Variants in AFF2 observed in about 807,000 individuals in gnomAD.
AFF2 encodes AF4/FMR2 family member 2.
Under a neutral mutation model 76.9 loss-of-function variants are expected in AFF2, and 14 were observed. That is an observed-to-expected ratio of 0.18 (90% confidence interval 0.12 to 0.28). The LOEUF is 0.28. Ranked by LOEUF, AFF2 falls within the 10% of genes least tolerant of loss-of-function variation. AFF2 has a pLI of 1.00. For missense variants in AFF2, 868 were observed against 1,001.1 expected (o/e 0.87, Z 1.79); for synonymous variants, 398 against 366.7 (o/e 1.09, Z -0.98).
intron 3 of AFF2, among the ~76,000 whole-genome samples, chrX:148,670,369 T>A (rs973740502): frequency 9.0e-6 from 1 of 111,054 alleles, no homozygotes; most frequent in East Asian, 2.8e-4. Flanking sequence ...TAATATTGGG[T>A]GGTATTAGAG....
chrX:148,637,671 T>A (rs1025104981), intron 1 of AFF2, among the ~76,000 whole-genome samples: 1 of 112,452 alleles, frequency 8.9e-6, no homozygotes, highest in African/African-American at 3.2e-5. Context: ...TTCATAATGG[T>A]GTCTGTATAA....
intron 1 of AFF2, among the ~76,000 whole-genome samples, chrX:148,529,994 C>G (rs2052711561): frequency 9.0e-6 from 1 of 111,141 alleles, no homozygotes. Flanking sequence ...GGGCAAGTCC[C>G]TTCCCCTCTT....
intron 1 of AFF2, among the ~76,000 whole-genome samples, chrX:148,643,444 G>A (rs1338572477): frequency 8.9e-6 from 1 of 111,845 alleles, no homozygotes; most frequent in African/African-American, 3.3e-5. Context: ...TGAGTGTGGG[G>A]CACTTGTAAG....
chrX:148,730,735 C>T (rs995148193), intron 3 of AFF2, among the ~76,000 whole-genome samples: 9 of 112,677 alleles, frequency 8.0e-5, no homozygotes, highest in Non-Finnish European at 1.3e-4. Context: ...CTACTACTAA[C>T]AAGCAAACAA....
At chrX:148,934,330 T>G (rs1360997341) in intron 9 of AFF2, among the ~76,000 whole-genome samples, 1 of 112,167 alleles carries the variant, frequency 8.9e-6, no homozygotes, top group African/African-American at 3.2e-5. Context: ...GACCTTTACT[T>G]CCGTGAATGC....
At position 148,823,251 on chromosome X, in the gene AFF2, C is replaced by T. The variant is rs965767721; in HGVS notation, c.1086+13331C>T. 4.5e-5 allele frequency among the ~76,000 whole-genome samples: 5 copies of T among 111,206 alleles called. No homozygotes were observed. In the Admixed American group the frequency reaches 4.8e-4, roughly 11 times the overall value. ...AAACAATGTGCCAGTGACACTGGAC[C>T]AGACATCAAGAGACCTCAGAGCTAG... On this transcript the variant is annotated intron_variant, in intron 4 of 20. Transcript: ENST00000370460.
At chrX:148,539,816 T>C (rs2052832379) in intron 1 of AFF2, among the ~76,000 whole-genome samples, 2 of 111,467 alleles carry the variant, frequency 1.8e-5, no homozygotes, top group African/African-American at 6.5e-5. Flanking sequence ...TACTAAGCCC[T>C]ACTTAGGCTG....
intron 2 of AFF2, among the ~76,000 whole-genome samples, chrX:148,661,532 A>G (rs1401257818): frequency 1.8e-5 from 2 of 112,293 alleles, no homozygotes; most frequent in South Asian, 3.7e-4. Context: ...TATAACTCCA[A>G]TGATTGGTAA....
intron 3 of AFF2, among the ~76,000 whole-genome samples, chrX:148,806,654 A>C (rs1455314405): frequency 8.9e-6 from 1 of 112,107 alleles, no homozygotes; most frequent in East Asian, 2.8e-4. Context: ...TTGTCTAAAG[A>C]AATAAATGGG....
At chrX:148,915,619 T>C (rs1405104319) in intron 9 of AFF2, among the ~76,000 whole-genome samples, 1 of 112,421 alleles carries the variant, frequency 8.9e-6, no homozygotes, top group Non-Finnish European at 1.9e-5. Context: ...CGCTGCAGTG[T>C]GGTTGCTGGG....
chrX:148,734,068 G>A (rs1272471701), intron 3 of AFF2, among the ~76,000 whole-genome samples: 1 of 112,115 alleles, frequency 8.9e-6, no homozygotes, highest in Non-Finnish European at 1.9e-5. Context: ...CACCCAGTGG[G>A]GACCTTCCAG....
chrX:148,683,927 T>C (rs1340256907), intron 3 of AFF2, among the ~76,000 whole-genome samples: 1 of 111,676 alleles, frequency 9.0e-6, no homozygotes, highest in Non-Finnish European at 1.9e-5. Context: ...TGAGGCAACA[T>C]TGCCCAACAG....
In AFF2 at chrX:148,955,782, C is replaced by T; in HGVS notation, c.1737C>T (p.Val579=). 8.3e-7 allele frequency: 1 copy of T among 1,211,391 alleles called. No homozygotes were observed. Among genetic ancestry groups the T allele is most frequent in the Non-Finnish European group, 1.1e-6 (1 of 895,407 alleles). ...AAGTGAAGACGAATGCCAGTCAGGT[C>T]CCAGCTGAACCCAAAGAAAGGCCTC... ...QMKVKTNASQ[V]PAEPKERPLL... Residue 579 remains valine (V), a synonymous_variant, in exon 11 of 21, where the codon GTC becomes GTT. Coordinates refer to ENST00000370460, the MANE Select transcript of AFF2 (RefSeq NM_002025.4).
At chrX:148,550,734 A>C (rs1254535343) in intron 1 of AFF2, among the ~76,000 whole-genome samples, 1 of 111,615 alleles carries the variant, frequency 9.0e-6, no homozygotes, top group Non-Finnish European at 1.9e-5. Context: ...TGCAGGAAAA[A>C]AACTAGAAGG....
Position 148,527,540 on chromosome X carries a change from TGATA to T in AFF2, c.47+26397_47+26400del, listed in dbSNP as rs1389978328. On this transcript the variant is annotated intron_variant, in intron 1 of 20. Coordinates refer to ENST00000370460, the MANE Select transcript of AFF2 (RefSeq NM_002025.4). ...AATATCAACATCAATTTCCTGATTT[TGATA>T]ATCATATTGTGGTTATGTAGGAGAA... 2.7e-5 allele frequency among the ~76,000 whole-genome samples: 3 copies of T among 111,684 alleles called. No homozygotes were observed. In the South Asian group the frequency reaches 1.1e-3, roughly 42 times the overall value.
intron 7 of AFF2, among the ~76,000 whole-genome samples, chrX:148,853,499 T>G (rs1246225080): frequency 8.9e-6 from 1 of 111,961 alleles, no homozygotes; most frequent in Non-Finnish European, 1.9e-5. Context: ...AATTGTGTTG[T>G]CAACAGATGA....
At chrX:148,769,914 G>T (rs782318238) in intron 3 of AFF2, among the ~76,000 whole-genome samples, 1 of 111,637 alleles carries the variant, frequency 9.0e-6, no homozygotes, top group African/African-American at 3.3e-5. Context: ...GATCTCTGCT[G>T]CTGGGGGCAG....
intron 3 of AFF2, among the ~76,000 whole-genome samples, chrX:148,806,730 C>A (rs1467303829): frequency 8.9e-6 from 1 of 111,855 alleles, no homozygotes; most frequent in African/African-American, 3.3e-5. Flanking sequence ...GACTACCTTA[C>A]AATGTATGTC....
intron 19 of AFF2, among the ~76,000 whole-genome samples, chrX:148,985,311 T>TTTTTTTTTTTTTTTTGTG (rs2072456168): frequency 1.3e-5 from 1 of 74,218 alleles, no homozygotes; most frequent in Non-Finnish European, 2.6e-5. Flanking sequence ...TTTTTTTTTT[T>TTTTTTTTTTTTTTTTGTG]TTTTTTTTAT....
Sources: allele counts gnomAD v4.1 joint callset (sites outside exome capture counted in the v4.1 genomes callset), GRCh38; gene constraint gnomAD v4.1.1; transcripts MANE v1.5; gene names NCBI Gene and HGNC (gene_info 2026-07-23, HGNC 2026-07-21).